The following ANKIB1 variants were observed in gnomAD, a reference collection of about 807,000 sequenced individuals.
ANKIB1 encodes ankyrin repeat and IBR domain-containing protein 1.
ANKIB1 carries 43 observed loss-of-function variants against 122.1 expected under a neutral mutation model. The observed-to-expected ratio is 0.35, with a 90% CI of 0.28 to 0.45. The LOEUF (loss-of-function observed/expected upper bound fraction) is 0.45. Among genes scored for constraint, ANKIB1 ranks in the 20% least tolerant of loss-of-function variants. ANKIB1 has a pLI of 1.00. For missense variants in ANKIB1, 992 were observed against 1,329.5 expected (o/e 0.75, Z 3.95); for synonymous variants, 390 against 442.0 (o/e 0.88, Z 1.48).
At chr7:92,384,124 T>G (rs144259429) in intron 11 of ANKIB1, among the ~76,000 whole-genome samples, 1,937 of 152,200 alleles carry the variant, frequency 0.013, 24 homozygotes, top group Non-Finnish European at 0.019. Context: ...ATGAGTGAAC[T>G]CCCATTCACA....
At chr7:92,387,120 T>C (rs1374706475) in intron 12 of ANKIB1, among the ~76,000 whole-genome samples, 1 of 152,118 alleles carries the variant, frequency 6.6e-6, no homozygotes, top group African/African-American at 2.4e-5. Flanking sequence ...CACTATGTCC[T>C]TAGGTGGCCA....
At position 92,396,417 on chromosome 7, in the gene ANKIB1, A is replaced by T. The variant is rs755555507; in HGVS notation, c.2336A>T (p.Asp779Val). The T allele has an allele frequency of 1.9e-6, 3 of 1,599,386 alleles. No homozygotes were observed. The highest frequency in any genetic ancestry group is 1.3e-5 in the African/African-American group (1 of 74,688). ...RRRHRQRRRG[D>V]VHSLLSNPPD... ...AGGCACAGACAACGTCGTCGAGGAG[A>T]TGTTCACAGTCTACTCAGTAATCCT... Residue 779 changes from aspartate (D) to valine (V), a missense_variant, in exon 18 of 20, where the codon GAT (aspartate) becomes GTT (valine). Physicochemically the swap from Asp to Val is radical, Grantham distance 152. This residue lies in a region of ANKIB1 where 384 missense variants were observed against 412.0 expected (regional missense o/e 0.93). Coordinates refer to ENST00000265742, the MANE Select transcript of ANKIB1 (RefSeq NM_019004.2).
At chr7:92,366,756 C>G (rs903739359) in intron 10 of ANKIB1, among the ~76,000 whole-genome samples, 1 of 152,114 alleles carries the variant, frequency 6.6e-6, no homozygotes, top group Non-Finnish European at 1.5e-5. Flanking sequence ...ACAAATTACC[C>G]CGATTTTACA....
rs1219842793 is a variant in ANKIB1 at position 92,365,287 on chromosome 7, A to G, written c.1486+3014A>G. Among the ~76,000 whole-genome samples, 10 of 152,216 alleles carry G rather than the reference A, an allele frequency of 6.6e-5. No individual in the cohort carries two copies. In the South Asian group the frequency reaches 2.1e-3, roughly 32 times the overall value. On this transcript the variant is annotated intron_variant, in intron 10 of 19. Coordinates refer to ENST00000265742, the MANE Select transcript of ANKIB1 (RefSeq NM_019004.2). ...CAAAGAAAGAGGAGGCCAATTATCTATGGGAGAGGGTTAGGAAACACTTTA... is the reference window on the plus strand; with the variant it reads ...CAAAGAAAGAGGAGGCCAATTATCTGTGGGAGAGGGTTAGGAAACACTTTA...
rs143362665 is a variant in ANKIB1 at position 92,379,090 on chromosome 7, A to G, written c.1618-7419A>G. 1.8e-4 allele frequency among the ~76,000 whole-genome samples: 28 copies of G among 152,348 alleles called. No homozygotes were observed. The East Asian group carries it at 5.2e-3, about 28-fold the overall frequency. On this transcript the variant is annotated intron_variant, in intron 11 of 19. Coordinates refer to ENST00000265742, the MANE Select transcript of ANKIB1 (RefSeq NM_019004.2). ...AAATAGCAACAGGTTTTGTTTCGGA[A>G]TCTAAGTAAACTAATTTAGGCTGGG...
At chr7:92,337,340 C>G (rs1320683852) in intron 5 of ANKIB1, among the ~76,000 whole-genome samples, 1 of 152,152 alleles carries the variant, frequency 6.6e-6, no homozygotes, top group East Asian at 1.9e-4. Flanking sequence ...GAAAGAGATT[C>G]TGTTTATCGT....
At chr7:92,307,904 C>T (rs1030692978) in intron 3 of ANKIB1, among the ~76,000 whole-genome samples, 13 of 146,874 alleles carry the variant, frequency 8.9e-5, no homozygotes, top group African/African-American at 1.8e-4. Context: ...ACCTCTGCCT[C>T]CCAGGTTGAA....
At chr7:92,247,285 T>A (rs1801144556) in intron 1 of ANKIB1, among the ~76,000 whole-genome samples, 1 of 152,216 alleles carries the variant, frequency 6.6e-6, no homozygotes, top group African/African-American at 2.4e-5. Context: ...CCTTTAAATT[T>A]TAGTGTTCTA....
At chr7:92,311,920 A>G (rs1407091237) in intron 3 of ANKIB1, among the ~76,000 whole-genome samples, 1 of 152,102 alleles carries the variant, frequency 6.6e-6, no homozygotes, top group Non-Finnish European at 1.5e-5. Flanking sequence ...ATATCCAACA[A>G]TCTCTCAAAT....
At chr7:92,288,288 C>G (rs955265741) in intron 1 of ANKIB1, among the ~76,000 whole-genome samples, 1 of 152,132 alleles carries the variant, frequency 6.6e-6, no homozygotes, top group African/African-American at 2.4e-5. Flanking sequence ...AGGTATAAAT[C>G]TGACAAATAC....
At chr7:92,395,111 C>CTCTCT (rs1804859450) in intron 17 of ANKIB1, among the ~76,000 whole-genome samples, 1 of 152,166 alleles carries the variant, frequency 6.6e-6, no homozygotes, top group African/African-American at 2.4e-5. Context: ...CCCTGGCCTC[C>CTCTCT]TCTCTTCTCT....
At chr7:92,379,016 A>G (rs902507446) in intron 11 of ANKIB1, among the ~76,000 whole-genome samples, 3 of 152,248 alleles carry the variant, frequency 2.0e-5, no homozygotes, top group African/African-American at 4.8e-5. Context: ...GTCACAAAAG[A>G]TGACAAACTA....
Position 92,400,605 on chromosome 7 carries a change from T to C in ANKIB1, c.*1656T>C, listed in dbSNP as rs1387124570. 1 of 152,076 alleles carries C rather than the reference T, an allele frequency of 6.6e-6. No homozygotes were observed. The highest frequency in any genetic ancestry group is 1.5e-5 in the Non-Finnish European group (1 of 68,004). The allele number at this position is 152,076 out of a possible 1,614,324, so 9.4% of individuals were successfully genotyped here. On this transcript the variant is annotated 3_prime_UTR_variant, in exon 20 of 20. Coordinates refer to ENST00000265742, the MANE Select transcript of ANKIB1 (RefSeq NM_019004.2). ...GATTACTTTTTTTTTTTCCAAACCC[T>C]GCTTTTGAAATATCCTTGTACTTAA...
intron 1 of ANKIB1, among the ~76,000 whole-genome samples, chr7:92,257,134 G>A (rs1291998305): frequency 1.3e-5 from 2 of 151,086 alleles, no homozygotes; most frequent in Non-Finnish European, 2.9e-5. Flanking sequence ...AGCTTGCAGT[G>A]AGCCGAGTAG....
chr7:92,398,989 A>G lies in ANKIB1; in HGVS notation c.*40A>G, dbSNP rs764081100. On this transcript the variant is annotated 3_prime_UTR_variant, in exon 20 of 20. Coordinates refer to ENST00000265742, the MANE Select transcript of ANKIB1 (RefSeq NM_019004.2). Reference sequence around the variant, plus strand: ...GGCTCTAAATGAATTACAGGTACAGATGGTATGCTAGGTGGAGTATGCTTG... The same window carrying G: ...GGCTCTAAATGAATTACAGGTACAGGTGGTATGCTAGGTGGAGTATGCTTG... 2 of 1,507,684 alleles carry G rather than the reference A, an allele frequency of 1.3e-6. No homozygotes were observed. The highest frequency in any genetic ancestry group is 4.6e-5 in the East Asian group (2 of 43,482). The allele number at this position is 1,507,684 out of a possible 1,614,324, so 93.4% of individuals were successfully genotyped here.
At chr7:92,336,606 C>T (rs1033658074) in intron 5 of ANKIB1, among the ~76,000 whole-genome samples, 1 of 152,010 alleles carries the variant, frequency 6.6e-6, no homozygotes, top group African/African-American at 2.4e-5. Context: ...GAGTCTATAT[C>T]CAGAATCTGT....
intron 10 of ANKIB1, among the ~76,000 whole-genome samples, chr7:92,368,907 G>A (rs192547525): frequency 1.8e-4 from 28 of 152,196 alleles, no homozygotes; most frequent in African/African-American, 6.3e-4. Flanking sequence ...TCCAAGGGTG[G>A]AAGAAAAAAC....
At chr7:92,356,006 G>A (rs181494148) in intron 9 of ANKIB1, among the ~76,000 whole-genome samples, 2 of 152,210 alleles carry the variant, frequency 1.3e-5, no homozygotes, top group East Asian at 1.9e-4. Context: ...TGTACAACTT[G>A]AGAAACCACA....
intron 6 of ANKIB1, among the ~76,000 whole-genome samples, chr7:92,344,351 T>C (rs1803496555): frequency 6.6e-6 from 1 of 151,730 alleles, no homozygotes; most frequent in Non-Finnish European, 1.5e-5. Context: ...ATTACAGACA[T>C]GCACCACCAC....
Sources: allele counts gnomAD v4.1 joint callset (sites outside exome capture counted in the v4.1 genomes callset), GRCh38; gene constraint gnomAD v4.1.1; regional missense constraint gnomAD v4.1.1; transcripts MANE v1.5; gene names NCBI Gene and HGNC (gene_info 2026-07-23, HGNC 2026-07-21).